MEAK7: variants seen among roughly 807,000 people sequenced by gnomAD.
MEAK7 encodes MTOR associated protein MEAK7.
In MEAK7, 68 loss-of-function variants were observed where a neutral mutation model predicts 40.5. That is an observed-to-expected ratio of 1.68 (90% confidence interval 1.38 to 2.06). The LOEUF (loss-of-function observed/expected upper bound fraction) is 2.06, where lower values mean the gene tolerates loss of function less well. MEAK7 is among the 30% of genes most tolerant of loss of function. The pLI is 0.00. For missense variants in MEAK7, 918 were observed against 580.5 expected (o/e 1.58, Z -5.98); for synonymous variants, 338 against 231.9 (o/e 1.46, Z -4.16).
intron 1 of MEAK7, among the ~76,000 whole-genome samples, chr16:84,501,105 G>GAAAAAAAAAA (rs35447624): frequency 2.9e-5 from 3 of 103,632 alleles, no homozygotes; most frequent in African/African-American, 3.8e-5. Context: ...AAAAAAAAAA[G>GAAAAAAAAAA]AAAAAAAAAA....
chr16:84,485,827 A>G (rs9921671), intron 5 of MEAK7, among the ~76,000 whole-genome samples: 149,795 of 152,200 alleles, frequency 0.98, 73,756 homozygotes, highest in East Asian at 1. Context: ...GATTACAGGC[A>G]TGCGCCACCA....
intron 1 of MEAK7, among the ~76,000 whole-genome samples, chr16:84,503,132 C>G (rs890244147): frequency 8.5e-5 from 13 of 152,156 alleles, no homozygotes; most frequent in African/African-American, 2.9e-4. Context: ...CTGGGCCACA[C>G]TGGAAGAACT....
chr16:84,479,891 C>A lies in MEAK7; in HGVS notation c.*22G>T. Reference sequence around the variant, plus strand: ...ACCCAGAGGAATCCAGGTCCTGGCTCCAGGAAGGCTCAGGCGGCTCCTCAT... The same window carrying A: ...ACCCAGAGGAATCCAGGTCCTGGCTACAGGAAGGCTCAGGCGGCTCCTCAT... On this transcript the variant is annotated 3_prime_UTR_variant, in exon 8 of 8. Coordinates refer to ENST00000343629, the MANE Select transcript of MEAK7 (RefSeq NM_020947.4). 1.9e-6 allele frequency: 3 copies of A among 1,568,590 alleles called. No individual in the cohort carries two copies. The highest frequency in any genetic ancestry group is 2.6e-6 in the Non-Finnish European group (3 of 1,150,696).
At chr16:84,489,050 G>A (rs2150633608) in intron 4 of MEAK7, among the ~76,000 whole-genome samples, 1 of 152,252 alleles carries the variant, frequency 6.6e-6, no homozygotes, top group East Asian at 1.9e-4. Context: ...GAGGAAAAAG[G>A]GACAAGAGAC....
At position 84,486,894 on chromosome 16, in the gene MEAK7, G is replaced by C. The variant is rs776581845; in HGVS notation, c.695C>G (p.Pro232Arg). The change falls in exon 5 of 8, where the codon CCT becomes CGT. Residue 232 changes from proline (P) to arginine (R), a missense_variant. Coordinates refer to ENST00000343629, the MANE Select transcript of MEAK7 (RefSeq NM_020947.4). The stretch of plus-strand genomic sequence containing the variant: ...CCTGCCCTGGTCCACTTGACGCTCA[G>C]GGACCAGGGTAGTCAGATCAAGAGA... ...CSSLDLTTLV[P>R]ERQVDQGRGF... is the part of the protein sequence containing the mutation. 4 of 1,614,196 alleles carry C rather than the reference G, an allele frequency of 2.5e-6. No individual in the cohort carries two copies. The highest frequency in any genetic ancestry group is 2.2e-5 in the East Asian group (1 of 44,884).
chr16:84,493,035 G>C (rs1913754424), intron 3 of MEAK7, among the ~76,000 whole-genome samples: 3 of 152,186 alleles, frequency 2.0e-5, no homozygotes, highest in Admixed American at 2.0e-4. Context: ...CAATCATACA[G>C]GAAGCACTGT....
intron 6 of MEAK7, 95 bp downstream of exon 6, chr16:84,482,497 C>T (rs559481361): frequency 1.0e-4 from 166 of 1,587,346 alleles, no homozygotes; most frequent in African/African-American, 8.7e-4. Flanking sequence ...GAATGCCACG[C>T]GCCCTGCCCT....
intron 5 of MEAK7, among the ~76,000 whole-genome samples, chr16:84,485,476 C>T (rs527612162): frequency 6.6e-6 from 1 of 152,320 alleles, no homozygotes; most frequent in Admixed American, 6.5e-5. Flanking sequence ...CCTTCAGAAC[C>T]TCTGCCTGGT....
chr16:84,496,027 T>A (rs962157917), intron 2 of MEAK7, 114 bp from the exon 3 acceptor site: 12 of 1,113,050 alleles, frequency 1.1e-5, no homozygotes, highest in African/African-American at 3.1e-5. Flanking sequence ...GAAGTTTTCG[T>A]TTTTTAAAGC....
Position 84,479,880 on chromosome 16 carries a change from A to G in MEAK7, c.*33T>C. 8.4e-6 allele frequency: 13 copies of G among 1,540,762 alleles called. No individual in the cohort carries two copies. Among genetic ancestry groups the G allele is most frequent in the Non-Finnish European group, 1.2e-5 (13 of 1,128,628 alleles). On this transcript the variant is annotated 3_prime_UTR_variant, in exon 8 of 8. Coordinates refer to ENST00000343629, the MANE Select transcript of MEAK7 (RefSeq NM_020947.4). The stretch of plus-strand genomic sequence containing the variant: ...CGTTGCCCTCTACCCAGAGGAATCC[A>G]GGTCCTGGCTCCAGGAAGGCTCAGG...
At position 84,499,040 on chromosome 16, in the gene MEAK7, C is replaced by A. The variant is rs75577427; in HGVS notation, c.-25-929G>T. Among the ~76,000 whole-genome samples, 1,518 of 152,322 alleles carry A rather than the reference C, an allele frequency of 1.0e-2. 9 individuals are homozygous for A. The highest frequency in any genetic ancestry group is 0.015 in the Non-Finnish European group (1,022 of 68,020). On this transcript the variant is annotated intron_variant, in intron 1 of 7. Coordinates refer to ENST00000343629, the MANE Select transcript of MEAK7 (RefSeq NM_020947.4). ...AACCAAAGCAAAGGGCCAAGACCTG[C>A]CTGGCACTGACCGTGCCTGTATGAT... is the stretch of plus-strand genomic sequence containing the variant.
chr16:84,494,645 T>A (rs140270011), intron 3 of MEAK7: 1 of 337,502 alleles, frequency 3.0e-6, no homozygotes, highest in Non-Finnish European at 5.8e-6. Context: ...CCCTTTTTTG[T>A]TTGTTGTTTT....
intron 3 of MEAK7, among the ~76,000 whole-genome samples, chr16:84,495,209 C>A (rs1342809406): frequency 6.6e-6 from 1 of 152,184 alleles, no homozygotes. Flanking sequence ...GCAGAGGTTG[C>A]AGTGAGTCAA....
intron 1 of MEAK7, 85 bp from the exon 2 acceptor site, chr16:84,498,196 A>AAT (rs1914214892): frequency 1.4e-6 from 2 of 1,448,338 alleles, no homozygotes; most frequent in Admixed American, 4.6e-5. Context: ...TGGTCAAGTT[A>AAT]ATATATACTG....
chr16:84,492,789 C>G (rs112293116), intron 3 of MEAK7, among the ~76,000 whole-genome samples: 1 of 151,988 alleles, frequency 6.6e-6, no homozygotes, highest in Non-Finnish European at 1.5e-5. Flanking sequence ...ACCATGTTAG[C>G]GAGGCTGGTC....
rs748087140 is a variant in MEAK7 at position 84,480,025 on chromosome 16, G to A, written c.1259C>T (p.Ala420Val). 23 of 1,591,496 alleles carry A rather than the reference G, an allele frequency of 1.4e-5. No homozygotes were observed. The highest frequency in any genetic ancestry group is 3.4e-4 in the Middle Eastern group (2 of 5,960). Residue 420 changes from alanine (A) to valine (V), a missense_variant and splice_region_variant, in exon 8 of 8, where the codon GCC (alanine) becomes GTC (valine). Transcript: ENST00000343629. ...AVGDPSEEQL[A>V]KGNKSILDAD... Reference sequence around the variant, plus strand: ...ATCCAGGATGCTCTTGTTGCCCTTGGCCTTGAGAAGAGAAGAAAGGGTGGG... The same window carrying A: ...ATCCAGGATGCTCTTGTTGCCCTTGACCTTGAGAAGAGAAGAAAGGGTGGG...
intron 5 of MEAK7, chr16:84,486,306 G>T: frequency 2.3e-6 from 1 of 440,238 alleles, no homozygotes; most frequent in Non-Finnish European, 3.3e-6. Flanking sequence ...GAAGGAAAAT[G>T]TCCGATCTGA....
intron 1 of MEAK7, among the ~76,000 whole-genome samples, chr16:84,501,110 A>G (rs1914467562): frequency 1.5e-5 from 2 of 137,094 alleles, no homozygotes; most frequent in South Asian, 3.0e-4. Context: ...AAAAAGAAAA[A>G]AAAAAAAAAA....
intron 1 of MEAK7, among the ~76,000 whole-genome samples, chr16:84,501,072 G>A (rs1292918284): frequency 1.5e-5 from 2 of 129,340 alleles, no homozygotes; most frequent in South Asian, 5.2e-4. Flanking sequence ...TCCAGCCTGG[G>A]CAACAGAGTT....
Sources: gnomAD v4.1 joint callset for allele counts (sites outside exome capture counted in the v4.1 genomes callset) on GRCh38, gnomAD v4.1.1 for gene constraint, MANE v1.5 for transcripts, NCBI Gene and HGNC (gene_info 2026-07-23, HGNC 2026-07-21) for gene names.